DCLK2: variants seen among roughly 807,000 people sequenced by gnomAD.
DCLK2 encodes doublecortin like kinase 2, also known as serine/threonine-protein kinase DCLK2.
A neutral mutation model predicts 78.4 loss-of-function variants in DCLK2; 31 were observed. The ratio of observed to expected loss-of-function variants is 0.40; its 90% CI spans 0.30 to 0.53. DCLK2 has a LOEUF of 0.53. Among genes scored for constraint, DCLK2 ranks in the 20% least tolerant of loss-of-function variants. The probability of loss-of-function intolerance (pLI) is 0.61; values close to 1 mark genes in which losing one functional copy is unlikely to be tolerated. For missense variants in DCLK2, 872 were observed against 973.7 expected (o/e 0.90, Z 1.39); for synonymous variants, 407 against 374.9 (o/e 1.09, Z -0.99).
At chr4:150,143,777 C>A (rs905485238) in intron 2 of DCLK2, among the ~76,000 whole-genome samples, 4 of 151,972 alleles carry the variant, frequency 2.6e-5, no homozygotes, top group African/African-American at 9.7e-5. Flanking sequence ...CTCAGTGGGG[C>A]TTTAATTTGC....
intron 5 of DCLK2, among the ~76,000 whole-genome samples, chr4:150,219,512 C>T (rs562230455): frequency 3.3e-5 from 5 of 152,054 alleles, no homozygotes; most frequent in African/African-American, 7.2e-5. Context: ...CCACCCGTCA[C>T]GGCCTCCCAA....
At chr4:150,123,804 G>C (rs923626774) in intron 2 of DCLK2, among the ~76,000 whole-genome samples, 1 of 152,160 alleles carries the variant, frequency 6.6e-6, no homozygotes, top group Non-Finnish European at 1.5e-5. Flanking sequence ...CACTTCGGGA[G>C]GCCAGGGCGG....
intron 2 of DCLK2, among the ~76,000 whole-genome samples, chr4:150,126,016 T>G (rs1732898276): frequency 6.6e-6 from 1 of 152,202 alleles, no homozygotes; most frequent in African/African-American, 2.4e-5. Context: ...TTCTGAAAAT[T>G]TCCTTTATTG....
chr4:150,083,739 T>C (rs1729458189), intron 1 of DCLK2, among the ~76,000 whole-genome samples: 1 of 152,180 alleles, frequency 6.6e-6, no homozygotes, highest in African/African-American at 2.4e-5. Flanking sequence ...GCATGGTGAT[T>C]GGACTTGGAA....
At chr4:150,157,953 C>G (rs537017928) in intron 2 of DCLK2, among the ~76,000 whole-genome samples, 1 of 152,154 alleles carries the variant, frequency 6.6e-6, no homozygotes, top group African/African-American at 2.4e-5. Flanking sequence ...TTTATTCTAA[C>G]GAGATAAATA....
At chr4:150,246,309 A>G (rs1180382124) in intron 12 of DCLK2, among the ~76,000 whole-genome samples, 1 of 152,084 alleles carries the variant, frequency 6.6e-6, no homozygotes. Context: ...GGCCTCCCAG[A>G]GTGTTGGGAT....
chr4:150,188,300 C>G (rs1457269110), intron 2 of DCLK2, among the ~76,000 whole-genome samples: 3 of 151,922 alleles, frequency 2.0e-5, no homozygotes, highest in African/African-American at 4.8e-5. Context: ...ATAGTGAAAC[C>G]TGGCCTCTAA....
At chr4:150,091,767 T>TG (rs1730090952) in intron 1 of DCLK2, among the ~76,000 whole-genome samples, 1 of 133,614 alleles carries the variant, frequency 7.5e-6, no homozygotes, top group African/African-American at 2.8e-5. Context: ...AAAGGAACAT[T>TG]TATGTGTGTG....
At chr4:150,232,648 G>C in intron 9 of DCLK2, 34 bp from the exon 10 acceptor site, 1 of 1,607,282 alleles carries the variant, frequency 6.2e-7, no homozygotes, top group Non-Finnish European at 8.5e-7. Context: ...TTGCACTGTT[G>C]ATGCTTTGAT....
intron 8 of DCLK2, among the ~76,000 whole-genome samples, 155 bp from the exon 9 acceptor site, chr4:150,232,182 G>A (rs186942174): frequency 3.9e-5 from 6 of 152,258 alleles, no homozygotes; most frequent in South Asian, 2.1e-4. Flanking sequence ...GTCCCTACAG[G>A]GACAATTAGG....
At chr4:150,254,061 T>C (rs1194968429) in intron 15 of DCLK2, among the ~76,000 whole-genome samples, 1 of 152,186 alleles carries the variant, frequency 6.6e-6, no homozygotes, top group Non-Finnish European at 1.5e-5. Context: ...TTAGCATGCG[T>C]AAGAAAGGAC....
At position 150,169,981 on chromosome 4, in the gene DCLK2, C is replaced by G. The variant is rs1192162148; in HGVS notation, c.757-23157C>G. Among the ~76,000 whole-genome samples, 3 of 152,314 alleles carry G rather than the reference C, an allele frequency of 2.0e-5. No homozygotes were observed. The East Asian group carries it at 5.8e-4, about 29-fold the overall frequency. On this transcript the variant is annotated intron_variant, in intron 2 of 15. Coordinates refer to ENST00000296550, the MANE Select transcript of DCLK2 (RefSeq NM_001040260.4). The stretch of plus-strand genomic sequence containing the variant: ...TACTAAAAAATGATCTGTTGCTTAT[C>G]TGAAATTCAGATTTAACTAGGTATC...
At chr4:150,197,883 G>T in intron 3 of DCLK2, 119 bp from the exon 4 acceptor site, 1 of 677,686 alleles carries the variant, frequency 1.5e-6, no homozygotes. Context: ...ATGTTAAATT[G>T]TTTAACAGTA....
chr4:150,216,920 A>G (rs1048263933), intron 5 of DCLK2, among the ~76,000 whole-genome samples: 3 of 152,318 alleles, frequency 2.0e-5, no homozygotes, highest in East Asian at 1.9e-4. Context: ...TGGCATCCTG[A>G]AAAACCGTAA....
intron 12 of DCLK2, among the ~76,000 whole-genome samples, chr4:150,245,683 C>T (rs1468235307): frequency 1.3e-5 from 2 of 152,226 alleles, no homozygotes; most frequent in African/African-American, 4.8e-5. Flanking sequence ...CATGTCCCTA[C>T]AAAGGACATG....
chr4:150,168,572 G>A lies in DCLK2; in HGVS notation c.757-24566G>A, dbSNP rs146502677. Among the ~76,000 whole-genome samples, 378 of 152,216 alleles carry A rather than the reference G, an allele frequency of 2.5e-3. 1 individual carries two copies. The highest frequency in any genetic ancestry group is 4.3e-3 in the Non-Finnish European group (294 of 68,022). On this transcript the variant is annotated intron_variant, in intron 2 of 15. Transcript: ENST00000296550. ...GGTAAGAATTGAGTTTGCTGCAGAC[G>A]CATGTGGATTCACCACCAGGAACAT...
intron 12 of DCLK2, among the ~76,000 whole-genome samples, chr4:150,244,815 G>T (rs1052176651): frequency 6.6e-6 from 1 of 152,234 alleles, no homozygotes; most frequent in Non-Finnish European, 1.5e-5. Context: ...TCATTGCTGA[G>T]ACACCCTGTG....
chr4:150,201,324 G>A (rs1344012782), intron 4 of DCLK2, among the ~76,000 whole-genome samples: 1 of 152,118 alleles, frequency 6.6e-6, no homozygotes, highest in Non-Finnish European at 1.5e-5. Flanking sequence ...TTCCACTTGC[G>A]GCAGCAGCGG....
At chr4:150,108,490 G>A (rs1329485185) in intron 2 of DCLK2, among the ~76,000 whole-genome samples, 2 of 151,922 alleles carry the variant, frequency 1.3e-5, no homozygotes, top group African/African-American at 2.4e-5. Context: ...CTTGCAGTGA[G>A]CCGAGATCTC....
Sources: allele counts gnomAD v4.1 joint callset (sites outside exome capture counted in the v4.1 genomes callset), GRCh38; gene constraint gnomAD v4.1.1; transcripts MANE v1.5; gene names NCBI Gene and HGNC (gene_info 2026-07-23, HGNC 2026-07-21).